TM9SF2: variants seen among roughly 807,000 people sequenced by gnomAD.
TM9SF2 encodes the protein 76 kDa membrane protein.
Under a neutral mutation model 84.9 loss-of-function variants are expected in TM9SF2, and 13 were observed. That is an observed-to-expected ratio of 0.15 (90% CI 0.10 to 0.24). The LOEUF (loss-of-function observed/expected upper bound fraction) is 0.24. Ranked by LOEUF, TM9SF2 falls within the 10% of genes least tolerant of loss-of-function variation. The pLI, the probability that TM9SF2 is intolerant of heterozygous loss-of-function variation, is 1.00. For synonymous variants in TM9SF2, 273 were observed against 285.8 expected, an observed-to-expected ratio of 0.96 and a Z score of 0.45; for missense variants, 562 against 818.5, an observed-to-expected ratio of 0.69 and a Z score of 3.82.
At chr13:99,514,195 T>G (rs186673990) in intron 1 of TM9SF2, 1 of 152,222 alleles carries the variant, frequency 6.6e-6, no homozygotes, top group Non-Finnish European at 1.5e-5. Flanking sequence ...TTAAAAAATT[T>G]AGCATAGCCT....
chr13:99,501,485 C>G lies in TM9SF2; in HGVS notation c.-122C>G. ...GGGGTGTCTCCTAGCGCAACCGGAA[C>G]TAGCCTTCTGGGGGCCGGCTTCCTT... On this transcript the variant is annotated 5_prime_UTR_variant, in exon 1 of 17. Transcript: ENST00000376387. 5 of 1,314,588 alleles carry G rather than the reference C, an allele frequency of 3.8e-6. No individual in the cohort carries two copies. Among genetic ancestry groups the G allele is most frequent in the Non-Finnish European group, 4.1e-6 (4 of 966,076 alleles). 81.4% of individuals were successfully genotyped at this position (1,314,588 alleles called of 1,614,324 possible).
At position 99,563,617 on chromosome 13, in the gene TM9SF2, G is replaced by A. The variant is rs986079939; in HGVS notation, c.*859G>A. 2 of 152,218 alleles carry A rather than the reference G, an allele frequency of 1.3e-5. No homozygotes were observed. The highest frequency in any genetic ancestry group is 2.4e-5 in the African/African-American group (1 of 41,456). The allele number at this position is 152,218 out of a possible 1,614,324, so 9.4% of individuals were successfully genotyped here. A position where few individuals can be genotyped will look rare whatever the true frequency, so the allele number is the denominator to read the frequency against. On this transcript the variant is annotated 3_prime_UTR_variant, in exon 17 of 17. Transcript: ENST00000376387. Reference sequence around the variant, plus strand: ...GGTTGAAGTCATGCATATCTAGACAGATGAATTATCTGCAAGTACTTAAGG... The same window carrying A: ...GGTTGAAGTCATGCATATCTAGACAAATGAATTATCTGCAAGTACTTAAGG...
intron 3 of TM9SF2, among the ~76,000 whole-genome samples, chr13:99,525,793 G>A (rs996271793): frequency 6.6e-6 from 1 of 152,092 alleles, no homozygotes; most frequent in Non-Finnish European, 1.5e-5. Context: ...CGGACCTCGT[G>A]ATCTGCCTGC....
intron 4 of TM9SF2, 83 bp from the exon 5 acceptor site, chr13:99,536,525 A>G: frequency 1.3e-6 from 2 of 1,502,170 alleles, no homozygotes; most frequent in Non-Finnish European, 1.8e-6. Context: ...AAATTTTACA[A>G]AGTGATGACA....
At chr13:99,544,084 G>T in intron 10 of TM9SF2, 89 bp downstream of exon 10, 3 of 1,441,154 alleles carry the variant, frequency 2.1e-6, no homozygotes, top group Non-Finnish European at 2.9e-6. Context: ...GGGCATGGTG[G>T]CTCATGCCTG....
chr13:99,519,819 G>T (rs929871258), intron 2 of TM9SF2, among the ~76,000 whole-genome samples: 1 of 152,130 alleles, frequency 6.6e-6, no homozygotes, highest in African/African-American at 2.4e-5. Context: ...ATAAGAGAAT[G>T]TTATTTAGAA....
chr13:99,552,249 G>A lies in TM9SF2; in HGVS notation c.1411G>A (p.Val471Ile). The change falls in exon 13 of 17, where the codon GTT (valine) becomes ATT (isoleucine). Residue 471 changes from valine (V) to isoleucine (I), a missense_variant. Physicochemically the swap from Val to Ile is conservative, Grantham distance 29. This residue lies in a region of TM9SF2 where 219 missense variants were observed against 338.1 expected (regional missense o/e 0.65). Coordinates refer to ENST00000376387, the MANE Select transcript of TM9SF2 (RefSeq NM_004800.3). ...AGCAGCTATTCCTTTTGGGACACTG[G>A]TTGCCATATTGGCCCTTTGGTTCTG... ...SSAAIPFGTL[V>I]AILALWFCIS... 1.2e-6 allele frequency: 2 copies of A among 1,614,098 alleles called. No homozygotes were observed. Among genetic ancestry groups the A allele is most frequent in the Non-Finnish European group, 8.5e-7 (1 of 1,180,004 alleles).
intron 4 of TM9SF2, among the ~76,000 whole-genome samples, chr13:99,532,627 T>C (rs1777056733): frequency 6.6e-6 from 1 of 152,166 alleles, no homozygotes; most frequent in Admixed American, 6.5e-5. Context: ...GAATACTGTT[T>C]AGTCTTGCTC....
At chr13:99,505,614 A>G (rs1429435299) in intron 1 of TM9SF2, among the ~76,000 whole-genome samples, 1 of 152,222 alleles carries the variant, frequency 6.6e-6, no homozygotes, top group Non-Finnish European at 1.5e-5. Context: ...ACTTTCTTAA[A>G]ATCAAGGGAC....
At chr13:99,519,293 G>GTTTTTT (rs759941780) in intron 2 of TM9SF2, among the ~76,000 whole-genome samples, 2 of 138,882 alleles carry the variant, frequency 1.4e-5, no homozygotes, top group African/African-American at 5.3e-5. Context: ...CCCAGCCCCA[G>GTTTTTT]TTTTTTTTTT....
chr13:99,527,950 G>C (rs1477172582), intron 3 of TM9SF2, among the ~76,000 whole-genome samples: 4 of 152,054 alleles, frequency 2.6e-5, no homozygotes, highest in Non-Finnish European at 4.4e-5. Flanking sequence ...CTCGTACCCA[G>C]GTCTGACTCT....
chr13:99,560,223 G>A (rs1017421684), intron 16 of TM9SF2, among the ~76,000 whole-genome samples: 1 of 152,130 alleles, frequency 6.6e-6, no homozygotes, highest in Admixed American at 6.6e-5. Context: ...AGCTCCTCAC[G>A]CATGTCATGG....
At chr13:99,561,607 G>A (rs995458279) in intron 16 of TM9SF2, among the ~76,000 whole-genome samples, 6 of 152,178 alleles carry the variant, frequency 3.9e-5, no homozygotes, top group Non-Finnish European at 7.3e-5. Flanking sequence ...CTCAATACAT[G>A]TACAATGTAA....
At chr13:99,513,403 G>C (rs4254176) in intron 1 of TM9SF2, among the ~76,000 whole-genome samples, 50 of 152,202 alleles carry the variant, frequency 3.3e-4, no homozygotes, top group African/African-American at 9.2e-4. Flanking sequence ...CTCAATCTTA[G>C]ACTCTTAGAG....
Position 99,517,681 on chromosome 13 carries a change from C to T in TM9SF2, c.239C>T (p.Ala80Val), listed in dbSNP as rs372811557. ...VESVLPYEYT[A>V]FDFCQASEGK... ...TCAGTTCTTCCTTATGAATACACAG[C>T]GTAAGTTTTTCAGCTTGGCTTTTAT... Residue 80 changes from alanine to valine, a missense_variant and splice_region_variant, in exon 2 of 17, where the codon GCG becomes GTG. Ala to Val is a moderately conservative substitution (Grantham distance 64). Around this residue, in one of 4 missense-constraint regions of TM9SF2, gnomAD observed 267 missense variants for 316.7 expected, o/e 0.84. Transcript: ENST00000376387. The T allele has an allele frequency of 2.9e-5, 46 of 1,572,178 alleles. 1 individual carries two copies. The highest frequency in any genetic ancestry group is 2.8e-4 in the East Asian group (12 of 43,026).
At chr13:99,541,471 T>G (rs1238362452) in intron 8 of TM9SF2, 88 bp from the exon 9 acceptor site, 2 of 895,518 alleles carry the variant, frequency 2.2e-6, no homozygotes, top group Non-Finnish European at 3.5e-6. Context: ...AAGACTGTTT[T>G]AATGTTACTC....
rs183548117 is a variant in TM9SF2 at position 99,515,420 on chromosome 13, A to C, written c.172-2194A>C. Among the ~76,000 whole-genome samples, 45 of 152,354 alleles carry C rather than the reference A, an allele frequency of 3.0e-4. No individual in the cohort carries two copies. The East Asian group carries it at 7.9e-3, about 27-fold the overall frequency. ...TAATTCAAGCATGCTGTATTGCTAC[A>C]ATATCATGTCCTATTACCTTGTTAG... On this transcript the variant is annotated intron_variant, in intron 1 of 16. Transcript: ENST00000376387.
Position 99,555,540 on chromosome 13 carries a change from C to G in TM9SF2, c.1645C>G (p.His549Asp), listed in dbSNP as rs1811501096. The G allele has an allele frequency of 6.2e-7, 1 of 1,611,544 alleles. No individual in the cohort carries two copies. Among genetic ancestry groups the G allele is most frequent in the Non-Finnish European group, 8.5e-7 (1 of 1,177,960 alleles). Residue 549 changes from histidine (H) to aspartate (D), a missense_variant, in exon 15 of 17, where the codon CAC becomes GAC. By Grantham distance (81) the His-to-Asp change is moderately conservative. Coordinates refer to ENST00000376387, the MANE Select transcript of TM9SF2 (RefSeq NM_004800.3). The stretch of plus-strand genomic sequence containing the variant: ...TCTTGACGTGTTTGATTATAGGTCA[C>G]ACCAGATGTATTACATGTTTGGCTT... ...LFFILNSIWS[H>D]QMYYMFGFLF...
chr13:99,520,006 T>C (rs1268285465), intron 2 of TM9SF2, 30 bp from the exon 3 acceptor site: 1 of 1,599,642 alleles, frequency 6.3e-7, no homozygotes, highest in Non-Finnish European at 8.6e-7. Flanking sequence ...TTCCCTTTTA[T>C]GTGTAAAAAT....
Sources: gnomAD v4.1 joint callset for allele counts (sites outside exome capture counted in the v4.1 genomes callset) on GRCh38, gnomAD v4.1.1 for gene constraint, gnomAD v4.1.1 regional missense constraint, MANE v1.5 for transcripts, NCBI Gene and HGNC (gene_info 2026-07-23, HGNC 2026-07-21) for gene names.